Variants in KLHL13 observed in about 807,000 individuals in gnomAD.
KLHL13 encodes the protein kelch-like protein 13.
In KLHL13, 10 loss-of-function variants were observed where a neutral mutation model predicts 37.1. That is an observed-to-expected ratio of 0.27 (90% confidence interval 0.17 to 0.46). The LOEUF is 0.46. KLHL13 is among the 20% of genes least tolerant of loss of function. KLHL13 has a pLI of 1.00. For missense variants in KLHL13, 360 were observed against 509.3 expected, an observed-to-expected ratio of 0.71 and a Z score of 2.82; for synonymous variants, 163 against 181.2, an observed-to-expected ratio of 0.90 and a Z score of 0.81.
chrX:118,033,679 C>T (rs1470251158), intron 1 of KLHL13, among the ~76,000 whole-genome samples: 1 of 108,726 alleles, frequency 9.2e-6, no homozygotes, highest in African/African-American at 3.4e-5. Context: ...GAAACTGCAT[C>T]AACTAACGAG....
At chrX:117,959,207 C>A (rs2053250534) in intron 1 of KLHL13, among the ~76,000 whole-genome samples, 1 of 111,989 alleles carries the variant, frequency 8.9e-6, no homozygotes, top group Non-Finnish European at 1.9e-5. Flanking sequence ...GTTTCACGAA[C>A]TTTGTTTAGC....
chrX:117,917,407 AG>A (rs746197575), intron 4 of KLHL13, among the ~76,000 whole-genome samples: 21 of 85,682 alleles, frequency 2.5e-4, no homozygotes, highest in Non-Finnish European at 4.1e-4. Context: ...ATGTCTGCAA[AG>A]GATGCAAAAA....
chrX:117,991,905 C>T (rs1314375287), intron 1 of KLHL13, among the ~76,000 whole-genome samples: 7 of 106,784 alleles, frequency 6.6e-5, no homozygotes, highest in Admixed American at 4.1e-4. Context: ...GTAACCCTCA[C>T]CCCCCTCCCA....
intron 1 of KLHL13, among the ~76,000 whole-genome samples, chrX:118,099,550 C>T (rs181781356): frequency 1.8e-5 from 2 of 111,462 alleles, no homozygotes; most frequent in African/African-American, 6.5e-5. Flanking sequence ...TGGCTCACAC[C>T]TATAATCTCA....
At chrX:118,018,485 GT>G (rs1396879318) in intron 1 of KLHL13, among the ~76,000 whole-genome samples, 1 of 111,643 alleles carries the variant, frequency 9.0e-6, no homozygotes, top group Non-Finnish European at 1.9e-5. Flanking sequence ...AGCAGACAAT[GT>G]ACTAATAATG....
intron 1 of KLHL13, among the ~76,000 whole-genome samples, chrX:118,036,334 C>T (rs1299099675): frequency 8.9e-6 from 1 of 112,334 alleles, no homozygotes; most frequent in Non-Finnish European, 1.9e-5. Flanking sequence ...TGCTACCTGA[C>T]TTCAAACTAT....
chrX:118,057,308 T>A (rs1402167550), intron 1 of KLHL13, among the ~76,000 whole-genome samples: 2 of 111,970 alleles, frequency 1.8e-5, no homozygotes, highest in Non-Finnish European at 3.8e-5. Context: ...AAGAATGAGG[T>A]ATACACCATA....
intron 1 of KLHL13, among the ~76,000 whole-genome samples, chrX:118,114,187 G>A (rs2055442226): frequency 1.8e-5 from 2 of 112,534 alleles, no homozygotes; most frequent in South Asian, 7.4e-4. Flanking sequence ...CAAACAATTT[G>A]AAAATTGGTC....
chrX:118,051,410 G>A (rs954158497), intron 1 of KLHL13, among the ~76,000 whole-genome samples: 5 of 108,808 alleles, frequency 4.6e-5, no homozygotes, highest in Non-Finnish European at 9.5e-5. Context: ...GCGTGGTGGC[G>A]GGCACCTGTA....
At position 117,987,549 on chromosome X, in the gene KLHL13, C is replaced by T. The variant is rs186374051; in HGVS notation, c.-55-41974G>A. ...CTCAGTGTCAAATACCCAGTAAGTA[C>T]GCAAGCTTTCGTTGATTTTGGCACT... On this transcript the variant is annotated intron_variant, in intron 1 of 6. Transcript: ENST00000371882. 4.5e-5 allele frequency among the ~76,000 whole-genome samples: 5 copies of T among 111,664 alleles called. No individual in the cohort carries two copies. In the Admixed American group the frequency reaches 4.8e-4, roughly 11 times the overall value.
chrX:117,959,801 G>GA (rs963392205), intron 1 of KLHL13, among the ~76,000 whole-genome samples: 4 of 110,572 alleles, frequency 3.6e-5, no homozygotes, highest in Admixed American at 9.7e-5. Context: ...TTTGAAACCA[G>GA]AAAAAAAAGT....
intron 4 of KLHL13, among the ~76,000 whole-genome samples, chrX:117,913,231 A>T (rs1387417053): frequency 0.05 from 2 of 40 alleles, no homozygotes; most frequent in East Asian, 0.5. Flanking sequence ...TCAGCTAGAA[A>T]TCTCCAAACA....
At chrX:117,914,027 A>T (rs1931174148) in intron 4 of KLHL13, among the ~76,000 whole-genome samples, 1 of 110,569 alleles carries the variant, frequency 9.0e-6, no homozygotes, top group Non-Finnish European at 1.9e-5. Flanking sequence ...TTCCAACATC[A>T]TAATATTGCA....
intron 1 of KLHL13, among the ~76,000 whole-genome samples, chrX:118,031,429 A>C (rs1256698922): frequency 3.3e-5 from 3 of 90,912 alleles, no homozygotes; most frequent in Admixed American, 1.3e-4. Context: ...GAATATATAT[A>C]GATATATATA....
chrX:117,975,443 T>G (rs1261718886), upstream of KLHL13, among the ~76,000 whole-genome samples: 1 of 111,831 alleles, frequency 8.9e-6, no homozygotes, highest in Non-Finnish European at 1.9e-5. Flanking sequence ...TAGGCTGGAG[T>G]GCGGTGGCAC....
chrX:118,104,867 A>G (rs2055328787), intron 1 of KLHL13, among the ~76,000 whole-genome samples: 1 of 112,650 alleles, frequency 8.9e-6, no homozygotes, highest in Non-Finnish European at 1.9e-5. Flanking sequence ...ACTGAATTAT[A>G]TTACTTTAAA....
intron 1 of KLHL13, among the ~76,000 whole-genome samples, chrX:117,965,250 T>C (rs2053400280): frequency 1.8e-5 from 2 of 111,671 alleles, no homozygotes; most frequent in Admixed American, 1.9e-4. Flanking sequence ...CCAGCACCTG[T>C]TGTTTCCTGA....
At chrX:118,059,931 CAG>C (rs2054723882) in intron 1 of KLHL13, among the ~76,000 whole-genome samples, 1 of 111,853 alleles carries the variant, frequency 8.9e-6, no homozygotes, top group Admixed American at 9.5e-5. Context: ...GTCTGTAAAA[CAG>C]AGACAGAGAC....
Position 117,907,864 on chromosome X carries a change from A to G in KLHL13, c.1366+1437T>C, listed in dbSNP as rs753945679. 4.5e-5 allele frequency among the ~76,000 whole-genome samples: 5 copies of G among 111,437 alleles called. No individual in the cohort carries two copies. In the South Asian group the frequency reaches 1.8e-3, roughly 41 times the overall value. On this transcript the variant is annotated intron_variant, in intron 5 of 6. Transcript: ENST00000262820. ...TGTCACTAACAAGAAAGGGTTTTATAAACAGGAAAGTATAAAAGCTGAGAA... is the reference window on the plus strand; with the variant it reads ...TGTCACTAACAAGAAAGGGTTTTATGAACAGGAAAGTATAAAAGCTGAGAA...
Sources: gnomAD v4.1 joint callset for allele counts (sites outside exome capture counted in the v4.1 genomes callset) on GRCh38, gnomAD v4.1.1 for gene constraint, MANE v1.5 for transcripts, NCBI Gene and HGNC (gene_info 2026-07-23, HGNC 2026-07-21) for gene names.